GALNT15: variants seen among roughly 807,000 people sequenced by gnomAD.
The protein encoded by GALNT15 is UDP-GalNAc transferase T15.
In GALNT15, 67 loss-of-function variants were observed where a neutral mutation model predicts 66.8. The observed-to-expected ratio is 1.00, with a 90% CI of 0.82 to 1.23. The LOEUF is 1.23. Ranked by LOEUF, GALNT15 falls within the 50% of genes most tolerant of loss-of-function variation. The pLI, the probability that GALNT15 is intolerant of heterozygous loss-of-function variation, is 0.00. For synonymous variants in GALNT15, 313 were observed against 311.5 expected, an observed-to-expected ratio of 1.00 and a Z score of -0.05; for missense variants, 827 against 804.3, an observed-to-expected ratio of 1.03 and a Z score of -0.34.
the GALNT15 span, among the ~76,000 whole-genome samples, chr3:16,244,445 T>C: frequency 0.074 from 11,322 of 152,250 alleles, 657 homozygotes; most frequent in African/African-American, 0.17. Context: ...GATTCTGAAC[T>C]TAGAGAGCAA....
chr3:16,228,162 T>G lies in GALNT15; in HGVS notation c.*662T>G. The G allele has an allele frequency of 1.0e-6, 1 of 986,026 alleles. No homozygotes were observed. Among genetic ancestry groups the G allele is most frequent in the Non-Finnish European group, 1.2e-6 (1 of 830,082 alleles). 61.1% of individuals were successfully genotyped at this position (986,026 alleles called of 1,614,324 possible). A position where few individuals can be genotyped will look rare whatever the true frequency, so the allele number is the denominator to read the frequency against. ...AGACATTTTCATGTTAATGAGAATT[T>G]CCACCATTGTAGAGAATTTCCTTCC... On this transcript the variant is annotated 3_prime_UTR_variant, in exon 10 of 10. Transcript: ENST00000339732.
rs760357070 is a variant in GALNT15, at chr3:16,184,246, A to C, written c.539+8556A>C. ...TATTCACCGGATATTTCGTTGAAGC[A>C]GAGAAGTTAGCCTCATTATTTAACA... On this transcript the variant is annotated intron_variant, in intron 1 of 9. Transcript: ENST00000339732. This position sits in a 1 kb window ranked among gnomAD's most constrained non-coding sequence, Gnocchi z 5.0. Among the ~76,000 whole-genome samples the C allele has an allele frequency of 6.6e-6, 1 of 152,252 alleles. No homozygotes were observed. Among genetic ancestry groups the C allele is most frequent in the African/African-American group, 2.4e-5 (1 of 41,466 alleles).
Position 16,211,232 on chromosome 3 carries a change from G to T in GALNT15, c.1188G>T (p.Leu396=), listed in dbSNP as rs2063811653. 1 of 1,604,488 alleles carries T rather than the reference G, an allele frequency of 6.2e-7. No individual in the cohort carries two copies. The highest frequency in any genetic ancestry group is 1.3e-5 in the African/African-American group (1 of 74,728). Residue 396 remains leucine (L), a synonymous_variant, in exon 5 of 10, where the codon CTG becomes CTT. Transcript: ENST00000339732. This position sits in a 1 kb window ranked among gnomAD's most constrained non-coding sequence, Gnocchi z 4.3. ...TGCGAGGTGGTGAAAACCTCGAACTGTCTTTCAAGGTATGTCCTGGACCAA... is the reference window on the plus strand; with the variant it reads ...TGCGAGGTGGTGAAAACCTCGAACTTTCTTTCAAGGTATGTCCTGGACCAA... ...MSLRGGENLE[L]SFKAWLCGGS... is the part of the protein sequence containing the mutation.
the GALNT15 span, among the ~76,000 whole-genome samples, chr3:16,247,097 A>AGTGTGTGTGT: frequency 6.6e-4 from 95 of 144,896 alleles, no homozygotes; most frequent in African/African-American, 1.9e-3. Context: ...CAAAGACTGT[A>AGTGTGTGTGT]GTGTGTGTGT....
At chr3:16,235,410 C>T (rs937666140), downstream of GALNT15, among the ~76,000 whole-genome samples, 6 of 152,270 alleles carry the variant, frequency 3.9e-5, no homozygotes, top group East Asian at 7.7e-4. Flanking sequence ...AGTTATTTTC[C>T]TATAACTGAT....
intron 1 of GALNT15, among the ~76,000 whole-genome samples, chr3:16,177,462 T>C (rs762077486): frequency 6.6e-6 from 1 of 152,230 alleles, no homozygotes; most frequent in Non-Finnish European, 1.5e-5. Context: ...GTGTGTGCAT[T>C]GCATTATGTG....
chr3:16,196,211 C>T (rs918505792), intron 2 of GALNT15, among the ~76,000 whole-genome samples: 1 of 152,126 alleles, frequency 6.6e-6, no homozygotes, highest in African/African-American at 2.4e-5. Flanking sequence ...GTGGGGATCT[C>T]TCTCCCAGGT....
downstream of GALNT15, among the ~76,000 whole-genome samples, chr3:16,230,935 C>T (rs2064075918): frequency 6.6e-6 from 1 of 152,100 alleles, no homozygotes; most frequent in South Asian, 2.1e-4. This position sits in a 1 kb window ranked among gnomAD's most constrained non-coding sequence, Gnocchi z 4.5. Flanking sequence ...AAATGTGGCA[C>T]ATATACACCA....
At chr3:16,239,668 A>G in the GALNT15 span, among the ~76,000 whole-genome samples, 6 of 152,202 alleles carry the variant, frequency 3.9e-5, no homozygotes, top group Non-Finnish European at 7.3e-5. This position sits in a 1 kb window ranked among gnomAD's most constrained non-coding sequence, Gnocchi z 5.2. Flanking sequence ...ACAGCTTCCA[A>G]TAAAATTTGT....
At position 16,228,783 on chromosome 3, in the gene GALNT15, C is replaced by T; in HGVS notation, c.*1283C>T. 1 of 985,462 alleles carries T rather than the reference C, an allele frequency of 1.0e-6. No homozygotes were observed. The highest frequency in any genetic ancestry group is 1.2e-6 in the Non-Finnish European group (1 of 829,968). 61.0% of individuals were successfully genotyped at this position (985,462 alleles called of 1,614,324 possible). On this transcript the variant is annotated 3_prime_UTR_variant, in exon 10 of 10. Transcript: ENST00000339732. ...AGAGCCTGAGCCAAAATTCTTATGA[C>T]AGGTAACATTTGGGTGTTAATGTCC...
chr3:16,190,408 A>G (rs185879373), intron 1 of GALNT15, among the ~76,000 whole-genome samples: 1 of 152,192 alleles, frequency 6.6e-6, no homozygotes. Flanking sequence ...GGAGGCCGAG[A>G]TGGGAGGATC....
chr3:16,178,182 G>A (rs1027942853), intron 1 of GALNT15, among the ~76,000 whole-genome samples: 1 of 152,112 alleles, frequency 6.6e-6, no homozygotes, highest in African/African-American at 2.4e-5. Context: ...GGCATGTTGT[G>A]TATGTTATGC....
chr3:16,206,542 G>A (rs1158044042), intron 3 of GALNT15, among the ~76,000 whole-genome samples: 8 of 150,428 alleles, frequency 5.3e-5, no homozygotes, highest in African/African-American at 2.0e-4. Flanking sequence ...GCGTTGTGGC[G>A]GGCACCTGTA....
chr3:16,193,665 GT>G lies in GALNT15; in HGVS notation c.540-2093del, dbSNP rs1234606897. 6.6e-6 allele frequency among the ~76,000 whole-genome samples: 1 copy of G among 152,174 alleles called. No individual in the cohort carries two copies. The highest frequency in any genetic ancestry group is 1.5e-5 in the Non-Finnish European group (1 of 68,034). On this transcript the variant is annotated intron_variant, in intron 1 of 9. Coordinates refer to ENST00000339732, the MANE Select transcript of GALNT15 (RefSeq NM_054110.5). The surrounding 1 kb of genome is among the most constrained non-coding windows in gnomAD (Gnocchi z 4.7). ...GGTACCAAGCTAGGGAGCAGCAAGA[GT>G]TGGCACATCTTAGAAGGTGTTTCCC...
chr3:16,201,275 G>A (rs371827704), intron 3 of GALNT15, among the ~76,000 whole-genome samples: 15 of 151,912 alleles, frequency 9.9e-5, no homozygotes, highest in African/African-American at 3.1e-4. Context: ...TGCGCCTCCC[G>A]GGTTCACGCC....
At chr3:16,247,128 G>GTT in the GALNT15 span, among the ~76,000 whole-genome samples, 1 of 151,942 alleles carries the variant, frequency 6.6e-6, no homozygotes, top group African/African-American at 2.4e-5. Flanking sequence ...GTGTGTGTGT[G>GTT]TGTGTGTCTG....
In GALNT15 at chr3:16,212,718, A is replaced by G. The variant is rs1264765429; in HGVS notation, c.1347A>G (p.Lys449=). Residue 449 remains lysine (K), a synonymous_variant, in exon 6 of 10, where the codon AAA becomes AAG. Coordinates refer to ENST00000339732, the MANE Select transcript of GALNT15 (RefSeq NM_054110.5). ...RIAETWLGSF[K]ETFYKHSPEA... is the part of the protein sequence containing the mutation. ...CTGAGACCTGGCTGGGGTCATTCAAAGAAACCTTCTACAAGCATAGCCCAG... is the reference window on the plus strand; with the variant it reads ...CTGAGACCTGGCTGGGGTCATTCAAGGAAACCTTCTACAAGCATAGCCCAG... The G allele has an allele frequency of 6.2e-6, 10 of 1,613,936 alleles. No individual in the cohort carries two copies. The highest frequency in any genetic ancestry group is 8.5e-6 in the Non-Finnish European group (10 of 1,180,020).
rs2064060288 is a variant in GALNT15, at chr3:16,229,484, A to T, written c.*1984A>T. 2 of 983,968 alleles carry T rather than the reference A, an allele frequency of 2.0e-6. No homozygotes were observed. The allele number at this position is 983,968 out of a possible 1,614,324, so 61.0% of individuals were successfully genotyped here. On this transcript the variant is annotated 3_prime_UTR_variant, in exon 10 of 10. Transcript: ENST00000339732. Reference sequence around the variant, plus strand: ...CTGTTGGACCAATCTAGATAGATTCATTATCCCATCTAGAGAAGAGACTTT... The same window carrying T: ...CTGTTGGACCAATCTAGATAGATTCTTTATCCCATCTAGAGAAGAGACTTT...
At chr3:16,212,933 T>G (rs1195251753) in intron 6 of GALNT15, among the ~76,000 whole-genome samples, 170 bp downstream of exon 6, 1 of 152,162 alleles carries the variant, frequency 6.6e-6, no homozygotes, top group Non-Finnish European at 1.5e-5. Flanking sequence ...GAGGCTGTCC[T>G]TTGTCTCTCT....
Sources: allele counts gnomAD v4.1 joint callset (sites outside exome capture counted in the v4.1 genomes callset), GRCh38; gene constraint gnomAD v4.1.1; non-coding constraint Gnocchi (gnomAD v3.1); transcripts MANE v1.5; gene names NCBI Gene and HGNC (gene_info 2026-07-23, HGNC 2026-07-21).